Variants in CLCN3 observed in about 807,000 individuals in gnomAD.
The protein encoded by CLCN3 is Cl-/H+ antiporter 3.
A neutral mutation model predicts 83.4 loss-of-function variants in CLCN3; 16 were observed. The ratio of observed to expected loss-of-function variants is 0.19; its 90% CI spans 0.13 to 0.29. The LOEUF (loss-of-function observed/expected upper bound fraction) is 0.29. Ranked by LOEUF, CLCN3 falls within the 10% of genes least tolerant of loss-of-function variation. The probability of loss-of-function intolerance (pLI) is 1.00; values close to 1 mark genes in which losing one functional copy is unlikely to be tolerated. For synonymous variants in CLCN3, 322 were observed against 346.2 expected (o/e 0.93, Z 0.78); for missense variants, 544 against 1,006.0 (o/e 0.54, Z 6.21).
Position 169,630,293 on chromosome 4 carries a change from G to A in CLCN3, c.-16-5620G>A, listed in dbSNP as rs188406343. Among the ~76,000 whole-genome samples the A allele has an allele frequency of 1.4e-4, 21 of 152,164 alleles. 1 individual carries two copies. In the East Asian group the frequency reaches 1.5e-3, roughly 11 times the overall value. Reference sequence around the variant, plus strand: ...CCTTGCTTCCTTCCCTACATTGCCCGCGCTGGTAGTCCTCAGTGACTATTG... The same window carrying A: ...CCTTGCTTCCTTCCCTACATTGCCCACGCTGGTAGTCCTCAGTGACTATTG... On this transcript the variant is annotated intron_variant, in intron 1 of 12. Transcript: ENST00000513761.
intron 1 of CLCN3, among the ~76,000 whole-genome samples, chr4:169,622,500 A>G (rs1773134112): frequency 6.6e-6 from 1 of 152,178 alleles, no homozygotes; most frequent in African/African-American, 2.4e-5. Flanking sequence ...TAGAACTTCC[A>G]ACTTAGTTTG....
intron 2 of CLCN3, among the ~76,000 whole-genome samples, chr4:169,658,754 A>T (rs933741372): frequency 3.3e-5 from 5 of 152,030 alleles, no homozygotes; most frequent in Admixed American, 1.3e-4. Flanking sequence ...TCCTATCAAA[A>T]ATTTTAATAG....
At chr4:169,676,650 A>ATTTTTTTTTTTTTTTTTT (rs557077180) in intron 2 of CLCN3, among the ~76,000 whole-genome samples, 3 of 128,252 alleles carry the variant, frequency 2.3e-5, no homozygotes, top group South Asian at 2.4e-4. Context: ...CATGCCCAGC[A>ATTTTTTTTTTTTTTTTTT]TTTTTTTTTT....
At chr4:169,634,578 C>A (rs1398630238) in intron 1 of CLCN3, among the ~76,000 whole-genome samples, 1 of 152,166 alleles carries the variant, frequency 6.6e-6, no homozygotes, top group Non-Finnish European at 1.5e-5. Flanking sequence ...AATATGCCAT[C>A]TTTGGTAGCG....
intron 3 of CLCN3, among the ~76,000 whole-genome samples, chr4:169,682,996 A>G (rs963608827): frequency 2.6e-5 from 4 of 152,214 alleles, no homozygotes. Context: ...TTTGAAAATC[A>G]CTATTTTAAT....
chr4:169,672,956 CCCGG>C (rs1260963366), intron 2 of CLCN3, among the ~76,000 whole-genome samples: 3 of 152,144 alleles, frequency 2.0e-5, no homozygotes, highest in African/African-American at 7.2e-5. Flanking sequence ...AGCCACCGCG[CCCGG>C]CTGTAAGTTA....
chr4:169,691,617 A>C (rs1732376334), intron 6 of CLCN3, among the ~76,000 whole-genome samples: 2 of 152,194 alleles, frequency 1.3e-5, no homozygotes, highest in Non-Finnish European at 2.9e-5. Context: ...TGTATTAAGA[A>C]TATCTTTCAT....
chr4:169,690,488 A>G, intron 5 of CLCN3, 42 bp from the exon 6 acceptor site: 1 of 1,588,798 alleles, frequency 6.3e-7, no homozygotes, highest in Middle Eastern at 1.7e-4. Context: ...TTAGAGGTGC[A>G]ATGTAAATTA....
At chr4:169,706,459 T>G (rs1282889703) in intron 10 of CLCN3, among the ~76,000 whole-genome samples, 1 of 152,168 alleles carries the variant, frequency 6.6e-6, no homozygotes, top group African/African-American at 2.4e-5. Context: ...CATATATGAG[T>G]TTAATTTGTA....
At chr4:169,683,747 T>G (rs1393866875) in intron 3 of CLCN3, among the ~76,000 whole-genome samples, 2 of 151,436 alleles carry the variant, frequency 1.3e-5, no homozygotes, top group Non-Finnish European at 2.9e-5. Flanking sequence ...AAAATTAATT[T>G]TTTTTTTTTT....
At chr4:169,635,172 T>G (rs1773472244) in intron 1 of CLCN3, among the ~76,000 whole-genome samples, 1 of 152,208 alleles carries the variant, frequency 6.6e-6, no homozygotes, top group Non-Finnish European at 1.5e-5. Context: ...GCTTACTGGT[T>G]TGACTGCTTT....
chr4:169,679,196 C>T (rs1269518256), intron 2 of CLCN3, among the ~76,000 whole-genome samples: 68 of 146,910 alleles, frequency 4.6e-4, no homozygotes, highest in African/African-American at 1.5e-3. Flanking sequence ...TGGGCAGAGA[C>T]GCTCCTCACC....
chr4:169,665,091 A>T (rs1377847929), intron 2 of CLCN3, among the ~76,000 whole-genome samples: 1 of 152,246 alleles, frequency 6.6e-6, no homozygotes, highest in Non-Finnish European at 1.5e-5. Flanking sequence ...AGCAAATTTT[A>T]TAAACCTTTT....
chr4:169,653,407 A>G (rs981116207), intron 2 of CLCN3, among the ~76,000 whole-genome samples: 2 of 152,128 alleles, frequency 1.3e-5, no homozygotes, highest in African/African-American at 4.8e-5. Context: ...TGGGAGGCCC[A>G]TGTGGGTGGA....
chr4:169,720,780 C>T lies in CLCN3; in HGVS notation c.*783C>T, dbSNP rs748460659. On this transcript the variant is annotated 3_prime_UTR_variant, in exon 13 of 13. Coordinates refer to ENST00000513761, the MANE Select transcript of CLCN3 (RefSeq NM_001829.4). ...GGTAAAGTCTCGAAGGAAGCGAGAA[C>T]GAAATCTCTCATTGTGTGCCGTGTG... 2 of 152,574 alleles carry T rather than the reference C, an allele frequency of 1.3e-5. No homozygotes were observed. Among genetic ancestry groups the T allele is most frequent in the Admixed American group, 6.5e-5 (1 of 15,270 alleles). The allele number at this position is 152,574 out of a possible 1,614,324, so 9.5% of individuals were successfully genotyped here. A position where few individuals can be genotyped will look rare whatever the true frequency, so the allele number is the denominator to read the frequency against.
At chr4:169,622,912 G>A (rs1773143252) in intron 1 of CLCN3, among the ~76,000 whole-genome samples, 1 of 152,140 alleles carries the variant, frequency 6.6e-6, no homozygotes, top group Non-Finnish European at 1.5e-5. Context: ...TTTTTAAAAG[G>A]AATACTCATA....
At position 169,707,120 on chromosome 4, in the gene CLCN3, C is replaced by G; in HGVS notation, c.2003C>G (p.Ala668Gly). 1 of 1,614,086 alleles carries G rather than the reference C, an allele frequency of 6.2e-7. No individual in the cohort carries two copies. Among genetic ancestry groups the G allele is most frequent in the Non-Finnish European group, 8.5e-7 (1 of 1,179,968 alleles). Residue 668 changes from alanine (A) to glycine (G), a missense_variant, in exon 11 of 13, where the codon GCT (alanine) becomes GGT (glycine). Physicochemically the swap from Ala to Gly is moderately conservative, Grantham distance 60. Coordinates refer to ENST00000513761, the MANE Select transcript of CLCN3 (RefSeq NM_001829.4). Reference protein sequence around the residue: ...MRPRRNDPPLAVLTQDNMTVD... With the variant: ...MRPRRNDPPLGVLTQDNMTVD... ...CCTCGAAGGAATGATCCTCCCTTAGCTGTCCTGACACAGGACAATATGACA... is the reference window on the plus strand; with the variant it reads ...CCTCGAAGGAATGATCCTCCCTTAGGTGTCCTGACACAGGACAATATGACA...
chr4:169,687,394 AAC>A (rs953715285), intron 3 of CLCN3, among the ~76,000 whole-genome samples: 13 of 152,206 alleles, frequency 8.5e-5, no homozygotes, highest in African/African-American at 3.1e-4. Flanking sequence ...CAGTCTGGCC[AAC>A]ATAGCGAGGC....
rs185360983 is a variant in CLCN3 at position 169,690,023 on chromosome 4, T to C, written c.607-507T>C. Among the ~76,000 whole-genome samples, 4 of 152,318 alleles carry C rather than the reference T, an allele frequency of 2.6e-5. No homozygotes were observed. In the East Asian group the frequency reaches 7.7e-4, roughly 29 times the overall value. On this transcript the variant is annotated intron_variant, in intron 5 of 12. Transcript: ENST00000513761. The stretch of plus-strand genomic sequence containing the variant: ...TAAATGTGCTCAGGGTTCCTTGGTA[T>C]ATGTAGGCATTAATTTTTGGACTCT...
Sources: allele counts gnomAD v4.1 joint callset (sites outside exome capture counted in the v4.1 genomes callset), GRCh38; gene constraint gnomAD v4.1.1; transcripts MANE v1.5; gene names NCBI Gene and HGNC (gene_info 2026-07-23, HGNC 2026-07-21).